ZP3: variants seen among roughly 807,000 people sequenced by gnomAD.
ZP3 encodes the protein zona pellucida sperm-binding protein 3.
In ZP3, 21 loss-of-function variants were observed where a neutral mutation model predicts 35.6. The observed-to-expected ratio is 0.59, with a 90% CI of 0.42 to 0.85. ZP3 has a LOEUF of 0.85. Among genes scored for constraint, ZP3 ranks in the 40% least tolerant of loss-of-function variants. The probability of loss-of-function intolerance (pLI) is 0.00; values close to 1 mark genes in which losing one functional copy is unlikely to be tolerated. For synonymous variants in ZP3, 207 were observed against 214.5 expected (o/e 0.96, Z 0.31); for missense variants, 437 against 536.5 (o/e 0.81, Z 1.83).
intron 1 of ZP3, among the ~76,000 whole-genome samples, chr7:76,427,578 C>T (rs1805706096): frequency 6.6e-6 from 1 of 151,316 alleles, no homozygotes; most frequent in Non-Finnish European, 1.5e-5. Flanking sequence ...CTGTGCAGTT[C>T]TGTGGGGCCC....
At chr7:76,413,627 A>C (rs1805301685) in intron 1 of ZP3, among the ~76,000 whole-genome samples, 1 of 151,928 alleles carries the variant, frequency 6.6e-6, no homozygotes, top group Admixed American at 6.6e-5. Context: ...AAAAAGCCTC[A>C]ATTGATTTAC....
chr7:76,412,962 C>CTTTTTTTTTTTTTTTTTTT, intron 1 of ZP3, among the ~76,000 whole-genome samples: 1 of 113,760 alleles, frequency 8.8e-6, no homozygotes, highest in Non-Finnish European at 1.7e-5. Flanking sequence ...TCTTCTTCTT[C>CTTTTTTTTTTTTTTTTTTT]TTCTTTTTTT....
intron 1 of ZP3, among the ~76,000 whole-genome samples, chr7:76,401,504 C>A (rs559966869): frequency 7.2e-5 from 11 of 152,092 alleles, no homozygotes; most frequent in Non-Finnish European, 1.6e-4. Flanking sequence ...GCAGCCTCTT[C>A]CTCTGGGGTT....
Position 76,416,945 on chromosome 7 carries a change from CATATATATATAT to C in ZP3, c.-66-8089_-66-8078del, listed in dbSNP as rs35169816. Among the ~76,000 whole-genome samples the C allele has an allele frequency of 5.5e-3, 404 of 73,230 alleles. 4 individuals are homozygous for C. The highest frequency in any genetic ancestry group is 0.011 in the South Asian group (21 of 1,902). The allele number at this position is 73,230 out of a possible 152,430, so 48.0% of individuals were successfully genotyped here. A position where few individuals can be genotyped will look rare whatever the true frequency, so the allele number is the denominator to read the frequency against. ...ATATACACATACATATGTATACATA[CATATATATATAT>C]ATATATATATATATATAATTTGGCA... On this transcript the variant is annotated intron_variant, in intron 1 of 8. Coordinates refer to the ZP3 transcript ENST00000336517.
chr7:76,403,347 C>CTTTTTTTTTTT lies in ZP3; in HGVS notation c.-67+5558_-67+5559insTTTTTTTTTTT, dbSNP rs766899317. 3.9e-4 allele frequency among the ~76,000 whole-genome samples: 58 copies of CTTTTTTTTTTT among 149,592 alleles called. 4 individuals carry two copies. The highest frequency in any genetic ancestry group is 6.4e-4 in the Non-Finnish European group (43 of 67,128). On this transcript the variant is annotated intron_variant, in intron 1 of 8. Transcript: ENST00000336517. The stretch of plus-strand genomic sequence containing the variant: ...TGATGAAGAAACTGAGACTCCACTT[C>CTTTTTTTTTTT]TTTTTTTTGAGACAGAGTCTCGCCC...
intron 7 of ZP3, among the ~76,000 whole-genome samples, chr7:76,440,890 G>A (rs1262916631): frequency 6.6e-6 from 1 of 152,128 alleles, no homozygotes; most frequent in Non-Finnish European, 1.5e-5. Flanking sequence ...AAGATAATCT[G>A]GCTTGGCATA....
chr7:76,438,434 C>T (rs1226029873), intron 5 of ZP3, among the ~76,000 whole-genome samples: 6 of 151,828 alleles, frequency 4.0e-5, no homozygotes, highest in African/African-American at 1.2e-4. Flanking sequence ...GGTGGGTACC[C>T]GTAATCCCAT....
At chr7:76,427,180 T>C (rs1452153923) in intron 1 of ZP3, among the ~76,000 whole-genome samples, 1 of 152,076 alleles carries the variant, frequency 6.6e-6, no homozygotes, top group African/African-American at 2.4e-5. Flanking sequence ...GCCTGCAAAC[T>C]CCTTCCTCTG....
At chr7:76,412,962 C>CTTTTTTTTTTTTTTTTTTTTTTTTTTT (rs201143080) in intron 1 of ZP3, among the ~76,000 whole-genome samples, 1 of 113,762 alleles carries the variant, frequency 8.8e-6, no homozygotes, top group Non-Finnish European at 1.7e-5. Context: ...TCTTCTTCTT[C>CTTTTTTTTTTTTTTTTTTTTTTTTTTT]TTCTTTTTTT....
At chr7:76,440,050 T>C in intron 5 of ZP3, 200 bp from the exon 6 acceptor site, 1 of 704,966 alleles carries the variant, frequency 1.4e-6, no homozygotes, top group East Asian at 2.9e-5. Context: ...TTTCACCATG[T>C]TGGCCAGGTT....
chr7:76,417,939 TC>T (rs112753497), intron 1 of ZP3, among the ~76,000 whole-genome samples: 4,264 of 121,908 alleles, frequency 0.035, 109 homozygotes, highest in East Asian at 0.14. Flanking sequence ...TTTCTTTCTT[TC>T]TTTTTTTTTT....
chr7:76,424,939 C>G (rs576686860), upstream of ZP3: 67 of 1,494,688 alleles, frequency 4.5e-5, no homozygotes, highest in East Asian at 1.5e-3. Context: ...TGGCCAGAGG[C>G]GGCTGCCTGC....
intron 1 of ZP3, chr7:76,404,203 C>T: frequency 7.1e-7 from 1 of 1,413,554 alleles, no homozygotes. Context: ...GAAAGAACAA[C>T]AGGAACGAGC....
At position 76,402,623 on chromosome 7, in the gene ZP3, G is replaced by A. The variant is rs1235802577; in HGVS notation, c.-67+4826G>A. Among the ~76,000 whole-genome samples the A allele has an allele frequency of 3.3e-5, 5 of 151,886 alleles. 1 individual carries two copies. The highest frequency in any genetic ancestry group is 6.9e-3 in the Middle Eastern group (2 of 290). On this transcript the variant is annotated intron_variant, in intron 1 of 8. Coordinates refer to the ZP3 transcript ENST00000336517. ...TGTGAGCCACCTTGCCTGGCCTTGA[G>A]TCTTTCTGCTTCAGCCATCATGTAT...
intron 5 of ZP3, among the ~76,000 whole-genome samples, chr7:76,437,470 CTTTTTTT>C (rs71521129): frequency 0.029 from 3,857 of 134,832 alleles, 92 homozygotes; most frequent in African/African-American, 0.096. Flanking sequence ...ACACTCCCCT[CTTTTTTT>C]TTTTTTTTTT....
intron 1 of ZP3, among the ~76,000 whole-genome samples, chr7:76,428,444 T>A (rs990620688): frequency 6.6e-6 from 1 of 152,220 alleles, no homozygotes; most frequent in South Asian, 2.1e-4. Context: ...TTCACTCTAC[T>A]GGGGTAGGGC....
rs149742950 is a variant in ZP3, at chr7:76,400,494, C to G, written c.-67+2697C>G. On this transcript the variant is annotated intron_variant, in intron 1 of 8. Transcript: ENST00000336517. ...GGCGACACACTACGTTGGCGTCCACCACGTCCCAGTCGTCATCACAGACGC... is the reference window on the plus strand; with the variant it reads ...GGCGACACACTACGTTGGCGTCCACGACGTCCCAGTCGTCATCACAGACGC... 159 of 1,603,856 alleles carry G rather than the reference C, an allele frequency of 9.9e-5. 1 individual carries two copies. In the African/African-American group the frequency reaches 1.8e-3, roughly 18 times the overall value.
rs1000643648 is a variant in ZP3 at position 76,433,797 on chromosome 7, T to C, written c.713+150T>C. The stretch of plus-strand genomic sequence containing the variant: ...CTCTGCAACCTCTGCCTCCCAGGTT[T>C]AAGTGATTCTCCTGCCTCAGCCCCC... On this transcript the variant is annotated intron_variant, in intron 4 of 7. Coordinates refer to ENST00000394857, the MANE Select transcript of ZP3 (RefSeq NM_001110354.2). The C allele has an allele frequency of 1.2e-5, 13 of 1,066,788 alleles. No homozygotes were observed. The African/African-American group carries it at 1.9e-4, about 16-fold the overall frequency. The allele number at this position is 1,066,788 out of a possible 1,614,324, so 66.1% of individuals were successfully genotyped here.
chr7:76,429,700 G>T, intron 2 of ZP3, 67 bp downstream of exon 2: 1 of 1,358,224 alleles, frequency 7.4e-7, no homozygotes, highest in South Asian at 1.2e-5. Context: ...AGGCAAGTGG[G>T]CTGGCTATGG....
Sources: allele counts gnomAD v4.1 joint callset (sites outside exome capture counted in the v4.1 genomes callset), GRCh38; gene constraint gnomAD v4.1.1; transcripts MANE v1.5; gene names NCBI Gene and HGNC (gene_info 2026-07-23, HGNC 2026-07-21).